The following CHD9 variants were observed in gnomAD, a reference collection of about 807,000 sequenced individuals.
The protein encoded by CHD9 is chromodomain helicase DNA binding protein 9.
CHD9 carries 77 observed loss-of-function variants against 316.1 expected under a neutral mutation model. The observed-to-expected ratio is 0.24, with a 90% CI of 0.20 to 0.29. CHD9 has a LOEUF of 0.29. Ranked by LOEUF, CHD9 falls within the 10% of genes least tolerant of loss-of-function variation. The probability of loss-of-function intolerance (pLI) is 1.00; values close to 1 mark genes in which losing one functional copy is unlikely to be tolerated. For synonymous variants in CHD9, 1,129 were observed against 1,158.3 expected (o/e 0.97, Z 0.51); for missense variants, 2,763 against 3,438.1 (o/e 0.80, Z 4.91).
intron 1 of CHD9, among the ~76,000 whole-genome samples, chr16:53,154,807 G>A (rs554545403): frequency 2.6e-5 from 4 of 152,280 alleles, no homozygotes; most frequent in African/African-American, 9.6e-5. Flanking sequence ...CATTCCATCT[G>A]CAGCCTGGGG....
chr16:53,184,557 C>A (rs2043822856), intron 2 of CHD9, among the ~76,000 whole-genome samples: 2 of 152,030 alleles, frequency 1.3e-5, no homozygotes, highest in African/African-American at 2.4e-5. Context: ...AGTGCCCAGG[C>A]TGGACTTGAA....
intron 2 of CHD9, among the ~76,000 whole-genome samples, chr16:53,195,483 G>T (rs963505858): frequency 6.6e-6 from 1 of 152,020 alleles, no homozygotes; most frequent in African/African-American, 2.4e-5. Context: ...CTTTTCTCAG[G>T]CTCTCACAAA....
chr16:53,291,653 G>A, intron 27 of CHD9, 72 bp from the exon 28 acceptor site: 2 of 1,020,678 alleles, frequency 2.0e-6, no homozygotes, highest in Non-Finnish European at 2.9e-6. Flanking sequence ...AAAGAAGTTT[G>A]ATTCTCTTTT....
chr16:53,321,530 G>T lies in CHD9; in HGVS notation c.7718G>T (p.Gly2573Val). ...LINRRNARKV[G>V]GAFAPPLKDL... The stretch of plus-strand genomic sequence containing the variant: ...TAATCTGTTTCTAATTTACAGGTTG[G>T]AGGTGCATTTGCTCCCCCTTTGAAA... The change falls in exon 38 of 39, where the codon GGA becomes GTA. Residue 2573 changes from glycine (G) to valine (V), a missense_variant. Gly to Val is a moderately radical substitution (Grantham distance 109). Coordinates refer to ENST00000447540, the MANE Select transcript of CHD9 (RefSeq NM_001308319.2). 6.5e-7 allele frequency: 1 copy of T among 1,539,814 alleles called. No individual in the cohort carries two copies.
At chr16:53,205,714 A>T (rs1320806035) in intron 2 of CHD9, among the ~76,000 whole-genome samples, 1 of 152,196 alleles carries the variant, frequency 6.6e-6, no homozygotes, top group African/African-American at 2.4e-5. Flanking sequence ...TTATAAGAGA[A>T]GTGAGTTGTT....
At chr16:53,162,929 C>T (rs1597228432) in intron 2 of CHD9, among the ~76,000 whole-genome samples, 1 of 151,888 alleles carries the variant, frequency 6.6e-6, no homozygotes, top group Non-Finnish European at 1.5e-5. Context: ...GCCACCAAGC[C>T]TGGCTAACTT....
rs180936643 is a variant in CHD9 at position 53,109,754 on chromosome 16, G to A, written c.-164-46172G>A. 4.0e-4 allele frequency among the ~76,000 whole-genome samples: 50 copies of A among 123,742 alleles called. 1 individual carries two copies. The East Asian group carries it at 0.012, about 29-fold the overall frequency. 81.2% of individuals were successfully genotyped at this position (123,742 alleles called of 152,430 possible). On this transcript the variant is annotated intron_variant, in intron 1 of 38. Transcript: ENST00000447540. ...GGCTGGAGTGCAGTGGCGTGATCTC[G>A]GCTCACTGCAAGCTCCGCCTCCCGT...
At chr16:53,273,856 C>T (rs2052533718) in intron 23 of CHD9, 71 bp downstream of exon 23, 4 of 1,398,794 alleles carry the variant, frequency 2.9e-6, no homozygotes, top group Non-Finnish European at 2.9e-6. Context: ...ACTCTTTAAG[C>T]TTGCTGATTT....
Position 53,209,730 on chromosome 16 carries a change from T to C in CHD9, c.1701T>C (p.Gly567=). The C allele has an allele frequency of 6.2e-7, 1 of 1,613,502 alleles. No homozygotes were observed. The highest frequency in any genetic ancestry group is 8.5e-7 in the Non-Finnish European group (1 of 1,179,724). ...TTGAAGGAAAAGAGGAAAAGAAAGG[T>C]AGAAGGATGAAATCCAAGCCAAAGG... ...ASVEGKEEKK[G]RRMKSKPKDK... The change falls in exon 3 of 39, where the codon GGT becomes GGC. Residue 567 remains glycine, a synonymous_variant. Transcript: ENST00000447540.
chr16:53,062,663 G>C (rs2033040196), intron 1 of CHD9, among the ~76,000 whole-genome samples: 2 of 152,302 alleles, frequency 1.3e-5, no homozygotes, highest in Non-Finnish European at 2.9e-5. Context: ...GATGGTTTAA[G>C]CCCAGGAGTT....
At chr16:53,314,200 T>C (rs2056705425) in intron 34 of CHD9, among the ~76,000 whole-genome samples, 177 bp from the exon 35 acceptor site, 1 of 152,020 alleles carries the variant, frequency 6.6e-6, no homozygotes, top group Non-Finnish European at 1.5e-5. Context: ...GAGGCCTAGG[T>C]TGTAATTCTT....
chr16:53,245,633 G>A lies in CHD9; in HGVS notation c.3237G>A (p.Leu1079=). Residue 1079 remains leucine, a synonymous_variant, in exon 15 of 39, where the codon TTG becomes TTA. Coordinates refer to ENST00000447540, the MANE Select transcript of CHD9 (RefSeq NM_001308319.2). The surrounding 1 kb of genome is among the most constrained non-coding windows in gnomAD (Gnocchi z 4.1). ...AGGCTATCCTGAAACCAATGATGTT[G>A]AGACGATTAAAAGAAGATGTGGAAA... is the stretch of plus-strand genomic sequence containing the variant. ...KLQAILKPMM[L]RRLKEDVEKK... 6.2e-7 allele frequency: 1 copy of A among 1,601,906 alleles called. No individual in the cohort carries two copies. Among genetic ancestry groups the A allele is most frequent in the Non-Finnish European group, 8.5e-7 (1 of 1,175,718 alleles).
chr16:53,127,627 G>A (rs2039027661), intron 1 of CHD9, among the ~76,000 whole-genome samples: 1 of 151,852 alleles, frequency 6.6e-6, no homozygotes, highest in Non-Finnish European at 1.5e-5. Flanking sequence ...GGGCGGGGGG[G>A]AATCCCTTTC....
At chr16:53,062,510 C>T (rs370020625) in intron 1 of CHD9, among the ~76,000 whole-genome samples, 3 of 151,912 alleles carry the variant, frequency 2.0e-5, no homozygotes, top group East Asian at 3.9e-4. Flanking sequence ...GGGAGGTACA[C>T]GCAGGGAGGT....
At chr16:53,308,960 C>T in intron 34 of CHD9, 106 bp downstream of exon 34, 4 of 801,538 alleles carry the variant, frequency 5.0e-6, no homozygotes, top group South Asian at 2.0e-5. Context: ...TTTGTTGGAA[C>T]CTCTTAAGCC....
At chr16:53,112,193 T>A (rs2152619798) in intron 1 of CHD9, among the ~76,000 whole-genome samples, 1 of 152,370 alleles carries the variant, frequency 6.6e-6, no homozygotes, top group Admixed American at 6.5e-5. Flanking sequence ...CAGATCCTCT[T>A]ATCTACTGAA....
At position 53,273,706 on chromosome 16, in the gene CHD9, G is replaced by C. The variant is rs2052514850; in HGVS notation, c.4798G>C (p.Glu1600Gln). The C allele has an allele frequency of 6.2e-7, 1 of 1,613,356 alleles. No homozygotes were observed. Residue 1600 changes from glutamate (E) to glutamine (Q), a missense_variant, in exon 23 of 39, where the codon GAA becomes CAA. This residue lies in a region of CHD9 where 99 missense variants were observed against 131.6 expected (regional missense o/e 0.75). Transcript: ENST00000447540. ...AAGCTCATTTGATATACAAAAAGCA[G>C]AATGGCTTCGAAAATATAATCCCGA... ...QTSSFDIQKA[E>Q]WLRKYNPEQL... is the part of the protein sequence containing the mutation.
intron 1 of CHD9, among the ~76,000 whole-genome samples, chr16:53,124,037 T>C (rs920558973): frequency 2.0e-5 from 3 of 152,212 alleles, no homozygotes; most frequent in Admixed American, 1.3e-4. Context: ...TTTTGGGCTA[T>C]TGTGAATCAT....
At chr16:53,057,777 G>A (rs1024006825) in intron 1 of CHD9, among the ~76,000 whole-genome samples, 3 of 152,134 alleles carry the variant, frequency 2.0e-5, no homozygotes, top group Non-Finnish European at 2.9e-5. Flanking sequence ...GTCACCCAAC[G>A]TGCACATTTC....
Sources: gnomAD v4.1 joint callset for allele counts (sites outside exome capture counted in the v4.1 genomes callset) on GRCh38, gnomAD v4.1.1 for gene constraint, gnomAD v4.1.1 regional missense constraint, Gnocchi (gnomAD v3.1) non-coding constraint, MANE v1.5 for transcripts, NCBI Gene and HGNC (gene_info 2026-07-23, HGNC 2026-07-21) for gene names.